The following IL6ST variants were observed in gnomAD, a reference collection of about 807,000 sequenced individuals.
The protein encoded by IL6ST is interleukin-6 receptor subunit beta.
A neutral mutation model predicts 91.3 loss-of-function variants in IL6ST; 24 were observed. The ratio of observed to expected loss-of-function variants is 0.26; its 90% CI spans 0.19 to 0.37. The LOEUF (loss-of-function observed/expected upper bound fraction) is 0.37. Among genes scored for constraint, IL6ST ranks in the 10% least tolerant of loss-of-function variants. The probability of loss-of-function intolerance (pLI) is 1.00; values close to 1 mark genes in which losing one functional copy is unlikely to be tolerated. For missense variants in IL6ST, 914 were observed against 1,078.5 expected, an observed-to-expected ratio of 0.85 and a Z score of 2.14; for synonymous variants, 351 against 373.6, an observed-to-expected ratio of 0.94 and a Z score of 0.70.
chr5:55,943,797 C>T (rs939297046), intron 15 of IL6ST, among the ~76,000 whole-genome samples: 5 of 152,064 alleles, frequency 3.3e-5, no homozygotes, highest in Non-Finnish European at 7.4e-5. Flanking sequence ...CGGCTGGGCG[C>T]GGTGGCTCAC....
rs1361477121 is a variant in IL6ST at position 55,935,808 on chromosome 5, T to G, written c.*5274A>C. On this transcript the variant is annotated 3_prime_UTR_variant, in exon 17 of 17. Coordinates refer to ENST00000381298, the MANE Select transcript of IL6ST (RefSeq NM_002184.4). ...GTTAAGCAATCCTGAACAAGAAAAC[T>G]CTCTCACTGCCTTTGGGCTAGAGAA... 1 of 217,164 alleles carries G rather than the reference T, an allele frequency of 4.6e-6. No individual in the cohort carries two copies. Among genetic ancestry groups the G allele is most frequent in the East Asian group, 6.8e-5 (1 of 14,632 alleles). The allele number at this position is 217,164 out of a possible 1,614,324, so 13.5% of individuals were successfully genotyped here. A position where few individuals can be genotyped will look rare whatever the true frequency, so the allele number is the denominator to read the frequency against.
intron 2 of IL6ST, among the ~76,000 whole-genome samples, chr5:55,979,972 A>G (rs534579080): frequency 3.9e-5 from 6 of 152,334 alleles, no homozygotes; most frequent in South Asian, 2.1e-4. Flanking sequence ...CTATATGTAC[A>G]GAAACATAAA....
rs771154339 is a variant in IL6ST, at chr5:55,947,462, A to G, written c.1937+31T>C. On this transcript the variant is annotated intron_variant, in intron 15 of 16. Transcript: ENST00000381298. ...AAATTCAGCTCAATAAAGCTGGGGG[A>G]AAATGCAAAAATATGAATAAAGTTA... is the stretch of plus-strand genomic sequence containing the variant. The G allele has an allele frequency of 2.3e-5, 28 of 1,217,210 alleles. No homozygotes were observed. In the African/African-American group the frequency reaches 3.8e-4, roughly 17 times the overall value. The allele number at this position is 1,217,210 out of a possible 1,614,324, so 75.4% of individuals were successfully genotyped here. A position where few individuals can be genotyped will look rare whatever the true frequency, so the allele number is the denominator to read the frequency against.
chr5:55,991,018 C>A (rs1754295022), intron 1 of IL6ST, among the ~76,000 whole-genome samples: 1 of 152,004 alleles, frequency 6.6e-6, no homozygotes, highest in South Asian at 2.1e-4. Flanking sequence ...CAACAGTTTG[C>A]TCAGAATGAT....
chr5:55,960,903 T>C (rs891894702), intron 7 of IL6ST, among the ~76,000 whole-genome samples: 2 of 152,116 alleles, frequency 1.3e-5, no homozygotes, highest in African/African-American at 4.8e-5. Flanking sequence ...AGTGCCAGGA[T>C]TACAGATGTG....
chr5:55,941,846 G>A (rs1206954151), intron 16 of IL6ST, 27 bp from the exon 17 acceptor site: 1 of 1,575,996 alleles, frequency 6.3e-7, no homozygotes, highest in African/African-American at 1.4e-5. Context: ...ATTGTATATG[G>A]CAAGTATTAG....
Position 55,941,691 on chromosome 5 carries a change from CT to C in IL6ST, c.2147del (p.Lys716ArgfsTer72). 1 of 1,614,002 alleles carries C rather than the reference CT, an allele frequency of 6.2e-7. No homozygotes were observed. Among genetic ancestry groups the C allele is most frequent in the Non-Finnish European group, 8.5e-7 (1 of 1,180,008 alleles). On this transcript the variant is annotated frameshift_variant, in exon 17 of 17. Transcript: ENST00000381298. LOFTEE classifies it high-confidence loss of function. ...TGTGTCCTTCAGTATTAATTTTTTC[CT>C]TTTTGAACAGGTCCAATGATTTCAG... Reference protein sequence around the residue: ...EDLKSLDLFKKEKINTEGHSS... With the variant: ...EDLKSLDLFKXEKINTEGHSS...
At chr5:55,979,679 C>T (rs1753529255) in intron 2 of IL6ST, among the ~76,000 whole-genome samples, 1 of 152,118 alleles carries the variant, frequency 6.6e-6, no homozygotes, top group African/African-American at 2.4e-5. Flanking sequence ...GTAAATTAGA[C>T]CTCACTTAAA....
intron 1 of IL6ST, among the ~76,000 whole-genome samples, chr5:55,990,986 G>A (rs765233280): frequency 4.7e-5 from 7 of 150,242 alleles, no homozygotes; most frequent in Non-Finnish European, 7.4e-5. Context: ...GAGAACATGC[G>A]GTGTTTGGTT....
chr5:55,975,028 A>G (rs1016761606), intron 3 of IL6ST, among the ~76,000 whole-genome samples: 2 of 151,824 alleles, frequency 1.3e-5, no homozygotes, highest in African/African-American at 4.8e-5. Flanking sequence ...TCTGTTACCC[A>G]GGATAGAGTG....
intron 4 of IL6ST, among the ~76,000 whole-genome samples, chr5:55,969,052 G>A (rs572984634): frequency 3.4e-4 from 51 of 152,046 alleles, no homozygotes; most frequent in Non-Finnish European, 5.7e-4. Context: ...AAAATTAGCC[G>A]GGCGTGGTGG....
chr5:55,941,711 A>T lies in IL6ST; in HGVS notation c.2128T>A (p.Ser710Thr). The change falls in exon 17 of 17, where the codon TCA (serine) becomes ACA (threonine). Residue 710 changes from serine (S) to threonine (T), a missense_variant. Transcript: ENST00000381298. ...TTTTCCTTTTTGAACAGGTCCAATGATTTCAGATCTTCTGGAAAAGGCTTT... is the reference window on the plus strand; with the variant it reads ...TTTTCCTTTTTGAACAGGTCCAATGTTTTCAGATCTTCTGGAAAAGGCTTT... ...DKKPFPEDLK[S>T]LDLFKKEKIN... 3 of 1,613,996 alleles carry T rather than the reference A, an allele frequency of 1.9e-6. No individual in the cohort carries two copies. Among genetic ancestry groups the T allele is most frequent in the Non-Finnish European group, 2.5e-6 (3 of 1,179,994 alleles).
intron 1 of IL6ST, among the ~76,000 whole-genome samples, chr5:55,994,388 G>A (rs539879720): frequency 2.6e-5 from 4 of 152,268 alleles, no homozygotes; most frequent in Admixed American, 1.3e-4. Flanking sequence ...CTTTGGGGAA[G>A]GGAAATCCAC....
rs183157822 is a variant in IL6ST at position 55,991,187 on chromosome 5, C to T, written c.-104+3597G>A. Among the ~76,000 whole-genome samples, 384 of 152,286 alleles carry T rather than the reference C, an allele frequency of 2.5e-3. 3 individuals are homozygous for T. The highest frequency in any genetic ancestry group is 8.7e-3 in the African/African-American group (363 of 41,540). On this transcript the variant is annotated intron_variant, in intron 1 of 16. Coordinates refer to ENST00000381298, the MANE Select transcript of IL6ST (RefSeq NM_002184.4). ...CAAGTCTTTGCTATTGTGAATAGTGCTGCAATAAACATACGTGTGCATGTA... is the reference window on the plus strand; with the variant it reads ...CAAGTCTTTGCTATTGTGAATAGTGTTGCAATAAACATACGTGTGCATGTA...
chr5:55,988,703 T>C (rs1310479084), intron 1 of IL6ST, among the ~76,000 whole-genome samples: 1 of 149,652 alleles, frequency 6.7e-6, no homozygotes, highest in Non-Finnish European at 1.5e-5. Context: ...TAGGCGGAGG[T>C]TGCAGTGAGC....
intron 7 of IL6ST, among the ~76,000 whole-genome samples, chr5:55,962,262 GA>G (rs1229442055): frequency 6.6e-6 from 1 of 152,104 alleles, no homozygotes; most frequent in Non-Finnish European, 1.5e-5. Flanking sequence ...GAGCACTTTA[GA>G]TAAGTGGGGT....
chr5:55,985,533 AT>A (rs200606036), intron 1 of IL6ST, among the ~76,000 whole-genome samples: 131 of 141,814 alleles, frequency 9.2e-4, no homozygotes, highest in African/African-American at 3.7e-3. Context: ...AAAAAAAAAA[AT>A]ATAAAAAATA....
chr5:55,941,650 C>G lies in IL6ST; in HGVS notation c.2189G>C (p.Gly730Ala). ...CCTAGAAGATGACATGCATGAAGAC[C>G]CCCCAATACCACTGCTGTGTCCTTC... ...NTEGHSSGIG[G>A]SSCMSSSRPS... The change falls in exon 17 of 17, where the codon GGG (glycine) becomes GCG (alanine). Residue 730 changes from glycine to alanine, a missense_variant. Coordinates refer to ENST00000381298, the MANE Select transcript of IL6ST (RefSeq NM_002184.4). The G allele has an allele frequency of 6.2e-7, 1 of 1,614,096 alleles. No individual in the cohort carries two copies. Among genetic ancestry groups the G allele is most frequent in the Non-Finnish European group, 8.5e-7 (1 of 1,179,972 alleles).
Position 55,951,665 on chromosome 5 carries a change from T to C in IL6ST, c.1700-61A>G. ...TCAATGCTTTTGCTTATTTGGCCTA[T>C]ATTTGGCATTGTGAAAGTGTTAAAA... On this transcript the variant is annotated intron_variant, in intron 13 of 16. Coordinates refer to ENST00000381298, the MANE Select transcript of IL6ST (RefSeq NM_002184.4). The C allele has an allele frequency of 4.7e-6, 7 of 1,489,488 alleles. No homozygotes were observed. In the South Asian group the frequency reaches 5.0e-5, roughly 11 times the overall value. The allele number at this position is 1,489,488 out of a possible 1,614,324, so 92.3% of individuals were successfully genotyped here.
Sources: allele counts gnomAD v4.1 joint callset (sites outside exome capture counted in the v4.1 genomes callset), GRCh38; gene constraint gnomAD v4.1.1; transcripts MANE v1.5; gene names NCBI Gene and HGNC (gene_info 2026-07-23, HGNC 2026-07-21).